USH2A: variants seen among roughly 807,000 people sequenced by gnomAD.
USH2A encodes the protein Usher syndrome 2A (autosomal recessive, mild).
USH2A carries 443 observed loss-of-function variants against 538.9 expected under a neutral mutation model. The observed-to-expected ratio is 0.82, with a 90% confidence interval of 0.76 to 0.89. The LOEUF is 0.89. Among genes scored for constraint, USH2A ranks in the 40% least tolerant of loss-of-function variants. The pLI is 0.00. For missense variants in USH2A, 6,633 were observed against 6,324.8 expected (o/e 1.05, Z -1.65); for synonymous variants, 2,413 against 2,273.5 (o/e 1.06, Z -1.75).
intron 64 of USH2A, among the ~76,000 whole-genome samples, chr1:215,654,229 G>C (rs1322209902): frequency 6.6e-6 from 1 of 152,026 alleles, no homozygotes; most frequent in Non-Finnish European, 1.5e-5. Flanking sequence ...GTGCAGGTTT[G>C]TTACATAGGT....
chr1:215,828,236 G>A (rs1464867148), intron 47 of USH2A, among the ~76,000 whole-genome samples: 1 of 152,058 alleles, frequency 6.6e-6, no homozygotes, highest in Non-Finnish European at 1.5e-5. Flanking sequence ...GATGACTTGA[G>A]CCCAGGAGTT....
intron 71 of USH2A, 109 bp from the exon 72 acceptor site, chr1:215,625,979 T>TGC: frequency 9.1e-7 from 1 of 1,100,014 alleles, no homozygotes. Context: ...ATTAAAGGCT[T>TGC]TTTTATTCTC....
intron 11 of USH2A, among the ~76,000 whole-genome samples, chr1:216,285,189 T>G (rs923733488): frequency 6.6e-6 from 1 of 152,102 alleles, no homozygotes. Flanking sequence ...ACCCCTCCCA[T>G]CACAGGCCTG....
chr1:215,739,263 G>A (rs927125102), intron 60 of USH2A, among the ~76,000 whole-genome samples: 4 of 152,138 alleles, frequency 2.6e-5, no homozygotes, highest in Non-Finnish European at 5.9e-5. Context: ...AACACATTCT[G>A]TTTCATATTA....
intron 21 of USH2A, among the ~76,000 whole-genome samples, chr1:216,151,058 C>A (rs2033821806): frequency 6.6e-6 from 1 of 152,160 alleles, no homozygotes; most frequent in Non-Finnish European, 1.5e-5. Flanking sequence ...CCCAGGCCCT[C>A]TTCTTGTTTA....
intron 32 of USH2A, among the ~76,000 whole-genome samples, chr1:216,045,283 CTA>C (rs746215033): frequency 6.6e-6 from 1 of 152,066 alleles, no homozygotes; most frequent in Non-Finnish European, 1.5e-5. Context: ...TACAAAACCA[CTA>C]TAAGTATAAT....
intron 17 of USH2A, 135 bp from the exon 18 acceptor site, chr1:216,198,719 G>T: frequency 1.2e-6 from 1 of 860,068 alleles, no homozygotes; most frequent in Non-Finnish European, 1.8e-6. Context: ...AATTTCTTTA[G>T]CATTCAAAAT....
rs1222813091 is a variant in USH2A, at chr1:215,748,149, C to T, written c.11390-4814G>A. Among the ~76,000 whole-genome samples, 5 of 152,062 alleles carry T rather than the reference C, an allele frequency of 3.3e-5. No homozygotes were observed. In the East Asian group the frequency reaches 9.7e-4, roughly 29 times the overall value. The stretch of plus-strand genomic sequence containing the variant: ...CTCATGATCCACCCGCCTCGGCCTC[C>T]CAAGTTTTGTTTTGTTTTTGAGACG... On this transcript the variant is annotated intron_variant, in intron 58 of 71. Transcript: ENST00000307340.
intron 35 of USH2A, among the ~76,000 whole-genome samples, chr1:215,987,103 T>C (rs1571868110): frequency 6.6e-6 from 1 of 152,354 alleles, no homozygotes; most frequent in South Asian, 2.1e-4. Context: ...AATGTTATGC[T>C]AGATAATGAC....
In USH2A at chr1:216,086,751, G is replaced by A. The variant is rs778742785; in HGVS notation, c.4955C>T (p.Pro1652Leu). The change falls in exon 24 of 72, where the codon CCG becomes CTG. Residue 1652 changes from proline (P) to leucine (L), a missense_variant. Transcript: ENST00000307340. ...CTTCCTGAGGATGGTATAACTTCGC[G>A]GGAGCCCTCCCAGAAAGACTCCTGT... ...DNTGVFLGGL[P>L]RSYTILRKDP... 1.7e-5 allele frequency: 27 copies of A among 1,612,796 alleles called. No homozygotes were observed. Among genetic ancestry groups the A allele is most frequent in the East Asian group, 1.1e-4 (5 of 44,852 alleles).
rs542298866 is a variant in USH2A, at chr1:216,157,370, T to C, written c.4627+17882A>G. On this transcript the variant is annotated intron_variant, in intron 21 of 71. Transcript: ENST00000307340. ...GAAAAGAGAGAATGCTTATGCACGA[T>C]TGGTGGAAATGTAAATTAGTTCAGC... Among the ~76,000 whole-genome samples the C allele has an allele frequency of 2.6e-5, 4 of 152,330 alleles. No homozygotes were observed. The East Asian group carries it at 5.8e-4, about 22-fold the overall frequency.
At chr1:215,652,395 G>GATT (rs1373882116) in intron 64 of USH2A, among the ~76,000 whole-genome samples, 1 of 152,248 alleles carries the variant, frequency 6.6e-6, no homozygotes, top group Non-Finnish European at 1.5e-5. Context: ...TGCAATTCTA[G>GATT]ATTAGGTTAA....
In USH2A at chr1:215,845,830, C is replaced by T. The variant is rs1222358142; in HGVS notation, c.9049G>A (p.Asp3017Asn). 7 of 1,613,424 alleles carry T rather than the reference C, an allele frequency of 4.3e-6. No homozygotes were observed. The highest frequency in any genetic ancestry group is 1.7e-5 in the Admixed American group (1 of 59,882). Reference sequence around the variant, plus strand: ...CTTTAGAATCTGGACTCACCCCCATCGCAAGTGGTTGCATGAAGTCCTGCA... The same window carrying T: ...CTTTAGAATCTGGACTCACCCCCATTGCAAGTGGTTGCATGAAGTCCTGCA... ...NSAGLHATTCDGEPQGMLPPE... is the reference protein window; with the variant it reads ...NSAGLHATTCNGEPQGMLPPE... Residue 3017 changes from aspartate (D) to asparagine (N), a missense_variant, in exon 45 of 72, where the codon GAT (aspartate) becomes AAT (asparagine). Coordinates refer to ENST00000307340, the MANE Select transcript of USH2A (RefSeq NM_206933.4).
rs138983270 is a variant in USH2A at position 215,836,913 on chromosome 1, C to T, written c.9371+1078G>A. The stretch of plus-strand genomic sequence containing the variant: ...TTTGCTAAAGAATAAAGGTCTCTAA[C>T]GCCCATTTAATATGACTATTTCCTC... On this transcript the variant is annotated intron_variant, in intron 47 of 71. Transcript: ENST00000307340. Among the ~76,000 whole-genome samples, 477 of 151,704 alleles carry T rather than the reference C, an allele frequency of 3.1e-3. 5 individuals are homozygous for T. Among genetic ancestry groups the T allele is most frequent in the African/African-American group, 0.011 (440 of 41,380 alleles).
At chr1:215,836,565 A>ATATATTTTTTT (rs1553267793) in intron 47 of USH2A, among the ~76,000 whole-genome samples, 2 of 32,868 alleles carry the variant, frequency 6.1e-5, no homozygotes, top group African/African-American at 9.2e-5. Flanking sequence ...ATATATATAT[A>ATATATTTTTTT]TTTTTTTTTG....
At chr1:215,768,969 C>A (rs887822747) in intron 55 of USH2A, among the ~76,000 whole-genome samples, 9 of 152,106 alleles carry the variant, frequency 5.9e-5, no homozygotes, top group African/African-American at 2.2e-4. Flanking sequence ...ATCATAGTGT[C>A]CCATAAGGAT....
rs571339681 is a variant in USH2A at position 215,730,672 on chromosome 1, G to T, written c.11712-2288C>A. Among the ~76,000 whole-genome samples the T allele has an allele frequency of 9.2e-5, 14 of 152,312 alleles. No homozygotes were observed. The South Asian group carries it at 2.3e-3, about 25-fold the overall frequency. Reference sequence around the variant, plus strand: ...GAATATGTAAAATCTTTGGCTTTGGGAATCTGATGATCCTTAAGTTGATAA... The same window carrying T: ...GAATATGTAAAATCTTTGGCTTTGGTAATCTGATGATCCTTAAGTTGATAA... On this transcript the variant is annotated intron_variant, in intron 60 of 71. Transcript: ENST00000307340.
At chr1:216,124,507 C>A (rs2199102) in intron 21 of USH2A, among the ~76,000 whole-genome samples, 53,516 of 151,926 alleles carry the variant, frequency 0.35, 10,370 homozygotes, top group East Asian at 0.73. Context: ...GAAACCCCTC[C>A]AGATAGAAAT....
chr1:215,971,724 T>G (rs979085492), intron 35 of USH2A, among the ~76,000 whole-genome samples: 1 of 152,204 alleles, frequency 6.6e-6, no homozygotes, highest in Non-Finnish European at 1.5e-5. Context: ...CATATTTTAT[T>G]TCTGCTTATG....
Sources: gnomAD v4.1 joint callset for allele counts (sites outside exome capture counted in the v4.1 genomes callset) on GRCh38, gnomAD v4.1.1 for gene constraint, MANE v1.5 for transcripts, NCBI Gene and HGNC (gene_info 2026-07-23, HGNC 2026-07-21) for gene names.